The following DCC variants were observed in gnomAD, a reference collection of about 807,000 sequenced individuals.
The protein encoded by DCC is DCC netrin 1 receptor.
DCC carries 58 observed loss-of-function variants against 172.5 expected under a neutral mutation model. That is an observed-to-expected ratio of 0.34 (90% confidence interval 0.27 to 0.42). The LOEUF is 0.42. DCC is among the 10% of genes least tolerant of loss of function. The pLI is 1.00. For synonymous variants in DCC, 709 were observed against 644.5 expected, an observed-to-expected ratio of 1.10 and a Z score of -1.52; for missense variants, 1,740 against 1,791.0, an observed-to-expected ratio of 0.97 and a Z score of 0.51.
At chr18:53,101,755 C>G (rs963020316) in intron 7 of DCC, among the ~76,000 whole-genome samples, 1 of 151,872 alleles carries the variant, frequency 6.6e-6, no homozygotes, top group Non-Finnish European at 1.5e-5. Flanking sequence ...CATCAAGGTT[C>G]TGGTGATTCC....
rs533597901 is a variant in DCC, at chr18:52,740,010, C to T, written c.92-12044C>T. On this transcript the variant is annotated intron_variant, in intron 1 of 28. Coordinates refer to ENST00000442544, the MANE Select transcript of DCC (RefSeq NM_005215.4). ...TAGAATTTGGAACAACCAACGCCTG[C>T]ATGCAGTAAGCCCTTTTAAGTAGAG... is the stretch of plus-strand genomic sequence containing the variant. Among the ~76,000 whole-genome samples the T allele has an allele frequency of 3.3e-5, 5 of 152,278 alleles. No individual in the cohort carries two copies. In the South Asian group the frequency reaches 1.0e-3, roughly 32 times the overall value.
chr18:52,774,194 A>T (rs2037389235), intron 2 of DCC, among the ~76,000 whole-genome samples: 1 of 152,202 alleles, frequency 6.6e-6, no homozygotes, highest in Non-Finnish European at 1.5e-5. Flanking sequence ...TTTATTCCAG[A>T]TCTGTTGAAT....
intron 2 of DCC, among the ~76,000 whole-genome samples, chr18:52,759,452 T>C (rs1309177085): frequency 6.6e-6 from 1 of 152,228 alleles, no homozygotes; most frequent in East Asian, 1.9e-4. Flanking sequence ...TTATGAATTC[T>C]AATTCATGTG....
At chr18:52,369,254 T>C (rs1229978608) in intron 1 of DCC, among the ~76,000 whole-genome samples, 2 of 148,296 alleles carry the variant, frequency 1.3e-5, no homozygotes, top group African/African-American at 2.5e-5. Flanking sequence ...TTTTTCTTTG[T>C]GGGTTTTTTT....
At chr18:52,682,937 T>C (rs181873948) in intron 1 of DCC, among the ~76,000 whole-genome samples, 68 of 152,204 alleles carry the variant, frequency 4.5e-4, no homozygotes, top group African/African-American at 1.6e-3. Context: ...TCTGACTGGA[T>C]CATTCAGGCT....
intron 1 of DCC, among the ~76,000 whole-genome samples, chr18:52,448,109 G>A (rs1315914210): frequency 6.6e-6 from 1 of 152,190 alleles, no homozygotes; most frequent in Non-Finnish European, 1.5e-5. Context: ...GGAGTGGTAG[G>A]TGAGCATTTC....
chr18:52,568,652 C>T (rs2033220846), intron 1 of DCC, among the ~76,000 whole-genome samples: 1 of 151,824 alleles, frequency 6.6e-6, no homozygotes, highest in Non-Finnish European at 1.5e-5. Flanking sequence ...CTGTGAGTTT[C>T]ATATGTTTAC....
chr18:52,486,653 G>A (rs1056949550), intron 1 of DCC, among the ~76,000 whole-genome samples: 5 of 151,936 alleles, frequency 3.3e-5, no homozygotes, highest in Admixed American at 2.6e-4. Flanking sequence ...TTCTTTCATC[G>A]CCATGTTTTA....
chr18:53,197,685 A>G (rs1238892999), intron 9 of DCC, among the ~76,000 whole-genome samples: 1 of 151,914 alleles, frequency 6.6e-6, no homozygotes, highest in Non-Finnish European at 1.5e-5. Context: ...AAAACCTCAT[A>G]TTCAGATTCT....
At chr18:52,709,564 T>G (rs1202359960) in intron 1 of DCC, among the ~76,000 whole-genome samples, 1 of 152,182 alleles carries the variant, frequency 6.6e-6, no homozygotes, top group Non-Finnish European at 1.5e-5. Flanking sequence ...CTGTGTGCTC[T>G]TCTTCGATTT....
At chr18:52,600,147 T>C (rs1283871950) in intron 1 of DCC, among the ~76,000 whole-genome samples, 1 of 152,254 alleles carries the variant, frequency 6.6e-6, no homozygotes, top group Non-Finnish European at 1.5e-5. Context: ...GTTCTTCACA[T>C]TGAGGCTCTC....
At chr18:52,457,708 A>G (rs969994020) in intron 1 of DCC, among the ~76,000 whole-genome samples, 12 of 152,226 alleles carry the variant, frequency 7.9e-5, no homozygotes, top group Non-Finnish European at 5.9e-5. Context: ...GTGGATTTCA[A>G]TAAATGTACT....
intron 1 of DCC, among the ~76,000 whole-genome samples, chr18:52,496,897 A>G (rs1187636305): frequency 6.6e-6 from 1 of 151,958 alleles, no homozygotes; most frequent in East Asian, 1.9e-4. Context: ...CTTCTTTCAC[A>G]TGAAAAAAAA....
At chr18:52,722,251 A>G (rs762078320) in intron 1 of DCC, among the ~76,000 whole-genome samples, 1 of 152,076 alleles carries the variant, frequency 6.6e-6, no homozygotes, top group Non-Finnish European at 1.5e-5. Flanking sequence ...ATTGTGCTCT[A>G]TATCTCTAAG....
In DCC at chr18:53,099,939, C is replaced by CTTTTTTTTTTTTTTTTTTTTTTTTT. The variant is rs200213348; in HGVS notation, c.1261+33776_1261+33777insTTTTTTTTTTTTTTTTTTTTTTTTT. ...AAGAGACTTTTCTTTTCTTTTCTTT[C>CTTTTTTTTTTTTTTTTTTTTTTTTT]TTTCTTTTTTTTTTTTTTTTTGTTT... On this transcript the variant is annotated intron_variant, in intron 7 of 28. Transcript: ENST00000442544. Among the ~76,000 whole-genome samples, 39 of 87,182 alleles carry CTTTTTTTTTTTTTTTTTTTTTTTTT rather than the reference C, an allele frequency of 4.5e-4. 12 individuals are homozygous for CTTTTTTTTTTTTTTTTTTTTTTTTT. Among genetic ancestry groups the CTTTTTTTTTTTTTTTTTTTTTTTTT allele is most frequent in the African/African-American group, 1.2e-3 (23 of 18,846 alleles). 57.2% of individuals were successfully genotyped at this position (87,182 alleles called of 152,430 possible). A position where few individuals can be genotyped will look rare whatever the true frequency, so the allele number is the denominator to read the frequency against.
chr18:53,072,104 G>A (rs1227117028), intron 7 of DCC, among the ~76,000 whole-genome samples: 1 of 152,128 alleles, frequency 6.6e-6, no homozygotes, highest in Admixed American at 6.6e-5. Flanking sequence ...ACTCCAGCCT[G>A]GGCAGCAGAG....
intron 2 of DCC, among the ~76,000 whole-genome samples, chr18:52,798,807 C>T (rs1221370312): frequency 6.6e-6 from 1 of 151,298 alleles, no homozygotes; most frequent in South Asian, 2.1e-4. Context: ...GGCTGGAGTT[C>T]AATGGTGGGA....
intron 1 of DCC, among the ~76,000 whole-genome samples, chr18:52,626,322 C>T (rs1160686342): frequency 6.6e-6 from 1 of 152,186 alleles, no homozygotes; most frequent in Admixed American, 6.5e-5. Flanking sequence ...AATTCACAAG[C>T]ATATCCTCCC....
At chr18:53,231,670 A>G (rs62100778) in intron 12 of DCC, among the ~76,000 whole-genome samples, 54,563 of 151,864 alleles carry the variant, frequency 0.36, 11,042 homozygotes, top group Non-Finnish European at 0.47. Context: ...TATTTAAGGG[A>G]GTATTAATTG....
Sources: gnomAD v4.1 joint callset for allele counts (sites outside exome capture counted in the v4.1 genomes callset) on GRCh38, gnomAD v4.1.1 for gene constraint, MANE v1.5 for transcripts, NCBI Gene and HGNC (gene_info 2026-07-23, HGNC 2026-07-21) for gene names.